SPICE1: variants seen among roughly 807,000 people sequenced by gnomAD.
SPICE1 encodes the protein spindle and centriole associated protein 1.
In SPICE1, 75 loss-of-function variants were observed where a neutral mutation model predicts 102.7. The observed-to-expected ratio is 0.73, with a 90% CI of 0.61 to 0.88. The LOEUF is 0.88. SPICE1 is among the 40% of genes least tolerant of loss of function. SPICE1 has a pLI of 0.00. For missense variants in SPICE1, 979 were observed against 1,020.1 expected (o/e 0.96, Z 0.55); for synonymous variants, 308 against 350.3 (o/e 0.88, Z 1.35).
At chr3:113,499,812 A>C (rs558303400) in intron 3 of SPICE1, among the ~76,000 whole-genome samples, 282 of 152,346 alleles carry the variant, frequency 1.9e-3, no homozygotes, top group Non-Finnish European at 3.1e-3. Flanking sequence ...GATGTACAGA[A>C]AGAAATAATA....
At position 113,450,342 on chromosome 3, in the gene SPICE1, A is replaced by C. The variant is rs1425284787; in HGVS notation, c.2317T>G (p.Trp773Gly). 6.2e-7 allele frequency: 1 copy of C among 1,614,042 alleles called. No individual in the cohort carries two copies. The highest frequency in any genetic ancestry group is 1.3e-5 in the African/African-American group (1 of 74,924). ...MSPVQLPLRA[W>G]TEGAKRTIEV... Reference sequence around the variant, plus strand: ...TCATGAATTTGTGACCAACCAGTCCATGCTCTGAGAGGTAACTGAACAGGT... The same window carrying C: ...TCATGAATTTGTGACCAACCAGTCCCTGCTCTGAGAGGTAACTGAACAGGT... The change falls in exon 15 of 18, where the codon TGG (tryptophan) becomes GGG (glycine). Residue 773 changes from tryptophan (W) to glycine (G), a missense_variant. Transcript: ENST00000295872.
chr3:113,468,100 C>G, intron 10 of SPICE1, 39 bp downstream of exon 10: 1 of 1,567,650 alleles, frequency 6.4e-7, no homozygotes, highest in Non-Finnish European at 8.7e-7. Flanking sequence ...TCATGCATTT[C>G]TGCCTGAAAA....
At chr3:113,498,506 C>T (rs1035417621) in intron 4 of SPICE1, among the ~76,000 whole-genome samples, 9 of 152,124 alleles carry the variant, frequency 5.9e-5, no homozygotes, top group Non-Finnish European at 1.2e-4. Context: ...TAAATGTATG[C>T]GACTTGTCCA....
chr3:113,469,326 A>G, intron 7 of SPICE1, 88 bp from the exon 8 acceptor site: 2 of 402,264 alleles, frequency 5.0e-6, no homozygotes, highest in Non-Finnish European at 7.1e-6. Flanking sequence ...CAGGCATTTA[A>G]TTTATATTTA....
intron 7 of SPICE1, among the ~76,000 whole-genome samples, chr3:113,478,646 A>G: frequency 6.6e-6 from 1 of 152,210 alleles, no homozygotes; most frequent in Non-Finnish European, 1.5e-5. Flanking sequence ...AAATAGAAAC[A>G]TACTAGTAGT....
intron 16 of SPICE1, among the ~76,000 whole-genome samples, chr3:113,447,573 C>G (rs922104331): frequency 2.4e-4 from 36 of 152,108 alleles, no homozygotes; most frequent in African/African-American, 8.7e-4. Flanking sequence ...AGAAGAGTAA[C>G]ACGACCTGGA....
chr3:113,474,190 A>G (rs1936280080), intron 7 of SPICE1, among the ~76,000 whole-genome samples: 1 of 151,844 alleles, frequency 6.6e-6, no homozygotes, highest in South Asian at 2.1e-4. Context: ...GAGACAAAGA[A>G]GGCCATTACA....
At chr3:113,454,032 G>C in intron 13 of SPICE1, 82 bp from the exon 14 acceptor site, 1 of 1,290,018 alleles carries the variant, frequency 7.8e-7, no homozygotes, top group East Asian at 2.5e-5. Flanking sequence ...AGCCCACCAT[G>C]GTAGTTAGAA....
Position 113,493,301 on chromosome 3 carries a change from C to A in SPICE1, c.397G>T (p.Val133Leu), listed in dbSNP as rs769154759. ...FPRRRTGFPN[V>L]TVAPDSSQGP... ...TGAGAGGAATCAGGAGCCACTGTTACATTTGGAAACCCTGCAAAAGGAAAA... is the reference window on the plus strand; with the variant it reads ...TGAGAGGAATCAGGAGCCACTGTTAAATTTGGAAACCCTGCAAAAGGAAAA... The change falls in exon 6 of 18, where the codon GTA becomes TTA. Residue 133 changes from valine to leucine, a missense_variant. Transcript: ENST00000295872. 2 of 1,613,746 alleles carry A rather than the reference C, an allele frequency of 1.2e-6. No homozygotes were observed. Among genetic ancestry groups the A allele is most frequent in the South Asian group, 1.1e-5 (1 of 91,072 alleles).
intron 13 of SPICE1, 108 bp from the exon 14 acceptor site, chr3:113,454,058 A>C (rs1935724105): frequency 9.1e-7 from 1 of 1,099,042 alleles, no homozygotes; most frequent in Non-Finnish European, 1.3e-6. Context: ...TTTCAGTAGA[A>C]GGGTTTGGCT....
chr3:113,489,960 T>TA (rs1647839547), intron 6 of SPICE1, among the ~76,000 whole-genome samples: 1 of 152,108 alleles, frequency 6.6e-6, no homozygotes, highest in South Asian at 2.1e-4. Context: ...CAATCTCCTT[T>TA]ACTGATCTTA....
At chr3:113,445,893 A>G (rs1340959242) in intron 17 of SPICE1, among the ~76,000 whole-genome samples, 2 of 152,126 alleles carry the variant, frequency 1.3e-5, no homozygotes, top group Non-Finnish European at 2.9e-5. Context: ...AAATGCAAAG[A>G]TTTTCCCAAT....
chr3:113,473,076 C>T (rs1261279618), intron 7 of SPICE1, among the ~76,000 whole-genome samples: 2 of 152,082 alleles, frequency 1.3e-5, no homozygotes, highest in Non-Finnish European at 2.9e-5. Flanking sequence ...ATAACCAATA[C>T]AGAGAAGTGC....
chr3:113,468,639 C>T, intron 9 of SPICE1, 123 bp downstream of exon 9: 1 of 1,222,980 alleles, frequency 8.2e-7, no homozygotes. Flanking sequence ...AGCTACCATT[C>T]AATAAACTTT....
chr3:113,460,615 A>T lies in SPICE1; in HGVS notation c.1435+2T>A. ...AGTCTGAGAGAGTAAGACCACACTC[A>T]CCTGGACTGTCCATAACTCTTCTAC... On this transcript the variant is annotated splice_donor_variant, in intron 12 of 17. Transcript: ENST00000295872. LOFTEE classifies it high-confidence loss of function. 4.4e-6 allele frequency: 7 copies of T among 1,608,378 alleles called. No homozygotes were observed. The highest frequency in any genetic ancestry group is 4.2e-6 in the Non-Finnish European group (5 of 1,177,362).
rs569120195 is a variant in SPICE1, at chr3:113,498,467, C to G, written c.291+972G>C. On this transcript the variant is annotated intron_variant, in intron 4 of 17. Coordinates refer to ENST00000295872, the MANE Select transcript of SPICE1 (RefSeq NM_144718.4). Reference sequence around the variant, plus strand: ...TCGTGGTGAGATCTGTGTTTTTAGGCCTTTCACTGAGAATTACCCCATAAC... The same window carrying G: ...TCGTGGTGAGATCTGTGTTTTTAGGGCTTTCACTGAGAATTACCCCATAAC... 5.3e-5 allele frequency among the ~76,000 whole-genome samples: 8 copies of G among 152,234 alleles called. No individual in the cohort carries two copies. In the South Asian group the frequency reaches 1.5e-3, roughly 28 times the overall value.
intron 16 of SPICE1, among the ~76,000 whole-genome samples, chr3:113,446,928 C>T (rs1935530197): frequency 6.6e-6 from 1 of 152,100 alleles, no homozygotes; most frequent in African/African-American, 2.4e-5. Context: ...CAGAATTCGC[C>T]CATGTTGTGG....
chr3:113,471,198 T>A (rs1249039054), intron 7 of SPICE1, among the ~76,000 whole-genome samples: 1 of 152,152 alleles, frequency 6.6e-6, no homozygotes, highest in Non-Finnish European at 1.5e-5. Flanking sequence ...CACTATTACC[T>A]TATATGGCAA....
chr3:113,464,877 C>T (rs770445179), intron 11 of SPICE1, among the ~76,000 whole-genome samples: 2 of 152,078 alleles, frequency 1.3e-5, no homozygotes, highest in East Asian at 1.9e-4. Flanking sequence ...AGGGCCAAGG[C>T]GGGCGAATAG....
Sources: gnomAD v4.1 joint callset for allele counts (sites outside exome capture counted in the v4.1 genomes callset) on GRCh38, gnomAD v4.1.1 for gene constraint, MANE v1.5 for transcripts, NCBI Gene and HGNC (gene_info 2026-07-23, HGNC 2026-07-21) for gene names.